GPHN: variants seen among roughly 807,000 people sequenced by gnomAD.
GPHN encodes gephyrin.
In GPHN, 17 loss-of-function variants were observed where a neutral mutation model predicts 95.5. The observed-to-expected ratio is 0.18, with a 90% CI of 0.12 to 0.27. The LOEUF is 0.27. GPHN is among the 10% of genes least tolerant of loss of function. The pLI, the probability that GPHN is intolerant of heterozygous loss-of-function variation, is 1.00. For synonymous variants in GPHN, 320 were observed against 322.5 expected, an observed-to-expected ratio of 0.99 and a Z score of 0.08; for missense variants, 660 against 978.1, an observed-to-expected ratio of 0.67 and a Z score of 4.34.
intron 8 of GPHN, among the ~76,000 whole-genome samples, chr14:66,962,445 T>C (rs2069018558): frequency 6.6e-6 from 1 of 151,802 alleles, no homozygotes; most frequent in Non-Finnish European, 1.5e-5. Flanking sequence ...TGAAAATTCT[T>C]TTGCCTTACC....
At chr14:67,201,905 G>A in the GPHN span, among the ~76,000 whole-genome samples, 1 of 152,080 alleles carries the variant, frequency 6.6e-6, no homozygotes, top group Non-Finnish European at 1.5e-5. Flanking sequence ...TCTACCAAGT[G>A]GCAGAGATTT....
At chr14:67,643,349 T>C in the GPHN span, among the ~76,000 whole-genome samples, 1 of 152,228 alleles carries the variant, frequency 6.6e-6, no homozygotes, top group Non-Finnish European at 1.5e-5. Flanking sequence ...TGGACTAAAA[T>C]AGATTTCACA....
At chr14:66,730,273 T>C (rs1734163523) in intron 2 of GPHN, among the ~76,000 whole-genome samples, 1 of 152,194 alleles carries the variant, frequency 6.6e-6, no homozygotes, top group Non-Finnish European at 1.5e-5. Context: ...GGTTCTTCCT[T>C]TTGTGTCAGC....
chr14:67,308,783 C>G, the GPHN span, among the ~76,000 whole-genome samples: 1 of 151,964 alleles, frequency 6.6e-6, no homozygotes, highest in East Asian at 1.9e-4. Flanking sequence ...ATGTCCCCTC[C>G]CATATTGTAT....
At chr14:66,529,357 A>T (rs1209307074) in intron 1 of GPHN, among the ~76,000 whole-genome samples, 1 of 151,978 alleles carries the variant, frequency 6.6e-6, no homozygotes, top group Non-Finnish European at 1.5e-5. Context: ...TCTAGTTAGC[A>T]ATTTGTCTAA....
chr14:67,233,291 G>A, the GPHN span, among the ~76,000 whole-genome samples: 1 of 152,030 alleles, frequency 6.6e-6, no homozygotes. Context: ...ATAGGCATGT[G>A]CCACCACGCC....
intron 5 of GPHN, among the ~76,000 whole-genome samples, chr14:66,894,582 G>T (rs1381350139): frequency 3.3e-5 from 5 of 152,116 alleles, no homozygotes; most frequent in Non-Finnish European, 7.4e-5. Flanking sequence ...GCAGCCTACA[G>T]AATGGGAGAA....
the GPHN span, among the ~76,000 whole-genome samples, chr14:67,566,574 A>G: frequency 6.6e-6 from 1 of 152,060 alleles, no homozygotes; most frequent in Admixed American, 6.6e-5. Context: ...GCGAAACCCC[A>G]TGTCTACCAA....
At position 66,907,125 on chromosome 14, in the gene GPHN, G is replaced by A. The variant is rs558130023; in HGVS notation, c.390-8878G>A. ...CTTACATCCACACAAAAATCCACAT[G>A]CAAATGTTTTTAACAGCCTTATTCG... is the stretch of plus-strand genomic sequence containing the variant. On this transcript the variant is annotated intron_variant, in intron 5 of 22. Coordinates refer to ENST00000478722, the MANE Select transcript of GPHN (RefSeq NM_020806.5). 2.0e-5 allele frequency among the ~76,000 whole-genome samples: 3 copies of A among 152,218 alleles called. No homozygotes were observed. The East Asian group carries it at 5.8e-4, about 29-fold the overall frequency.
chr14:67,540,085 A>G, the GPHN span, among the ~76,000 whole-genome samples: 1 of 152,158 alleles, frequency 6.6e-6, no homozygotes, highest in Non-Finnish European at 1.5e-5. Context: ...CTGAGGAAGG[A>G]AAAGGGGATT....
the GPHN span, chr14:67,656,351 T>C: frequency 6.9e-7 from 1 of 1,443,930 alleles, no homozygotes; most frequent in South Asian, 1.7e-5. Context: ...CTTAGTACGG[T>C]TTCCAGGTGC....
the GPHN span, among the ~76,000 whole-genome samples, chr14:67,353,448 C>A: frequency 6.6e-6 from 1 of 152,104 alleles, no homozygotes; most frequent in Non-Finnish European, 1.5e-5. Flanking sequence ...GAGTTCAAGT[C>A]CAGCATGGGT....
chr14:67,457,454 A>C, the GPHN span, among the ~76,000 whole-genome samples: 2 of 152,130 alleles, frequency 1.3e-5, no homozygotes, highest in Admixed American at 1.3e-4. Flanking sequence ...TGTTTTTAAA[A>C]TTTAGCCATG....
At chr14:66,991,870 TAAAAAAAAAA>T (rs1555458890) in intron 9 of GPHN, among the ~76,000 whole-genome samples, 2 of 111,150 alleles carry the variant, frequency 1.8e-5, no homozygotes, top group Non-Finnish European at 2.0e-5. Context: ...AGACCCTGTC[TAAAAAAAAAA>T]AAAAAAAGAA....
chr14:66,990,266 C>A (rs2071322452), intron 9 of GPHN, among the ~76,000 whole-genome samples: 1 of 152,148 alleles, frequency 6.6e-6, no homozygotes, highest in Admixed American at 6.6e-5. Flanking sequence ...CCTCCCTTGA[C>A]ATGTGGAGAT....
the GPHN span, among the ~76,000 whole-genome samples, chr14:67,578,828 C>A: frequency 6.6e-6 from 1 of 152,320 alleles, no homozygotes; most frequent in African/African-American, 2.4e-5. The surrounding 1 kb of genome is among the most constrained non-coding windows in gnomAD (Gnocchi z 5.0). Flanking sequence ...TCTCTGCACG[C>A]CAATCCATGT....
At chr14:67,450,895 T>G in the GPHN span, among the ~76,000 whole-genome samples, 2 of 152,038 alleles carry the variant, frequency 1.3e-5, no homozygotes, top group Non-Finnish European at 2.9e-5. Context: ...ATGTCAGAGG[T>G]CTTCATGGCA....
chr14:67,045,865 T>C (rs555278609), intron 10 of GPHN, among the ~76,000 whole-genome samples: 2 of 152,218 alleles, frequency 1.3e-5, no homozygotes, highest in South Asian at 4.1e-4. Context: ...CTTTTTAAAA[T>C]AAGTTCAGGT....
chr14:67,462,713 T>A, the GPHN span, among the ~76,000 whole-genome samples: 1 of 152,098 alleles, frequency 6.6e-6, no homozygotes, highest in African/African-American at 2.4e-5. Context: ...AAGAGCAAAC[T>A]AAGAGGACAA....
Sources: gnomAD v4.1 joint callset for allele counts (sites outside exome capture counted in the v4.1 genomes callset) on GRCh38, gnomAD v4.1.1 for gene constraint, Gnocchi (gnomAD v3.1) non-coding constraint, MANE v1.5 for transcripts, NCBI Gene and HGNC (gene_info 2026-07-23, HGNC 2026-07-21) for gene names.